MSRB3: variants seen among roughly 807,000 people sequenced by gnomAD.
MSRB3 encodes the protein methionine-R-sulfoxide reductase B3.
In MSRB3, 13 loss-of-function variants were observed where a neutral mutation model predicts 21.0. The observed-to-expected ratio is 0.62, with a 90% CI of 0.40 to 0.98. The LOEUF is 0.98. Among genes scored for constraint, MSRB3 ranks in the 50% least tolerant of loss-of-function variants. MSRB3 has a pLI of 0.00. For synonymous variants in MSRB3, 87 were observed against 88.6 expected, an observed-to-expected ratio of 0.98 and a Z score of 0.10; for missense variants, 199 against 230.3, an observed-to-expected ratio of 0.86 and a Z score of 0.88.
chr12:65,341,471 A>C (rs1343138683), intron 4 of MSRB3, among the ~76,000 whole-genome samples: 1 of 152,014 alleles, frequency 6.6e-6, no homozygotes, highest in Non-Finnish European at 1.5e-5. Flanking sequence ...AAGAACAAAA[A>C]ATTGAAAAAC....
chr12:65,441,241 C>G (rs1327946509), intron 5 of MSRB3, among the ~76,000 whole-genome samples: 2 of 151,932 alleles, frequency 1.3e-5, no homozygotes, highest in Non-Finnish European at 2.9e-5. Context: ...ACCTACAGGT[C>G]TTGATGCAGG....
chr12:65,427,322 T>C (rs1037969264), intron 5 of MSRB3, among the ~76,000 whole-genome samples: 5 of 152,160 alleles, frequency 3.3e-5, no homozygotes. Flanking sequence ...TTGATGGAGA[T>C]TGCAGTGATA....
chr12:65,377,555 C>T (rs1276639120), intron 5 of MSRB3, among the ~76,000 whole-genome samples: 1 of 152,240 alleles, frequency 6.6e-6, no homozygotes, highest in African/African-American at 2.4e-5. Flanking sequence ...CTGCCTCGGC[C>T]TCCCAAATTG....
At chr12:65,413,895 A>G (rs1021156990) in intron 5 of MSRB3, among the ~76,000 whole-genome samples, 7 of 152,230 alleles carry the variant, frequency 4.6e-5, no homozygotes, top group Middle Eastern at 3.2e-3. Flanking sequence ...GTAAGCAAAC[A>G]TATGCAGAAG....
intron 1 of MSRB3, chr12:65,305,092 A>T (rs547021628): frequency 3.4e-5 from 5 of 148,868 alleles, no homozygotes; most frequent in Admixed American, 2.7e-4. Context: ...TTTTTGAGAC[A>T]GGGTCTTTCT....
intron 5 of MSRB3, chr12:65,419,661 T>A: frequency 4.2e-6 from 3 of 713,276 alleles, no homozygotes. Context: ...TGACCTGGGG[T>A]CCTGTCTTCT....
intron 5 of MSRB3, among the ~76,000 whole-genome samples, chr12:65,435,639 A>G (rs1324407587): frequency 2.0e-5 from 3 of 151,854 alleles, no homozygotes; most frequent in Non-Finnish European, 4.4e-5. Flanking sequence ...TTCAGGTTAT[A>G]TTTTCTATAA....
At chr12:65,400,845 T>C (rs1880086994) in intron 5 of MSRB3, among the ~76,000 whole-genome samples, 1 of 152,224 alleles carries the variant, frequency 6.6e-6, no homozygotes, top group Non-Finnish European at 1.5e-5. Context: ...AACTTCTTTA[T>C]TTCTGCCTGA....
rs115106843 is a variant in MSRB3 at position 65,394,525 on chromosome 12, A to G, written c.292+25499A>G. On this transcript the variant is annotated intron_variant, in intron 5 of 6. Coordinates refer to ENST00000308259, the MANE Select transcript of MSRB3 (RefSeq NM_001031679.3). ...AATTCTGTGAAATATTTAAAGAAGA[A>G]TTAATGCCAATTATTCACAACTCTT... is the stretch of plus-strand genomic sequence containing the variant. Among the ~76,000 whole-genome samples the G allele has an allele frequency of 3.4e-3, 519 of 152,354 alleles. 1 individual carries two copies. Among genetic ancestry groups the G allele is most frequent in the African/African-American group, 0.011 (478 of 41,586 alleles).
chr12:65,352,259 A>G (rs1036491952), intron 4 of MSRB3, among the ~76,000 whole-genome samples: 1 of 152,154 alleles, frequency 6.6e-6, no homozygotes, highest in Non-Finnish European at 1.5e-5. Context: ...GACAAAATTC[A>G]ACAACCCTTC....
intron 2 of MSRB3, among the ~76,000 whole-genome samples, chr12:65,314,670 T>C (rs1220701147): frequency 3.9e-5 from 6 of 152,068 alleles, no homozygotes; most frequent in South Asian, 2.1e-4. Context: ...GATTTTCTGG[T>C]AAATATGGAA....
At chr12:65,371,847 T>G (rs748563299) in intron 5 of MSRB3, among the ~76,000 whole-genome samples, 80 of 152,272 alleles carry the variant, frequency 5.3e-4, no homozygotes, top group Non-Finnish European at 3.2e-4. Flanking sequence ...ATTGCATCTT[T>G]CTTTTTTTTT....
At chr12:65,441,043 T>C (rs1422280237) in intron 5 of MSRB3, among the ~76,000 whole-genome samples, 1 of 149,938 alleles carries the variant, frequency 6.7e-6, no homozygotes, top group Non-Finnish European at 1.5e-5. Context: ...TTGAATTTCA[T>C]TTTTTTTTGG....
In MSRB3 at chr12:65,328,513, G is replaced by A. The variant is rs377388421; in HGVS notation, c.186-13G>A. ...CTAACTTTAATTTTTTAAATGATCT[G>A]TTTATTTATCAGTGCCTTTGAAGGA... On this transcript the variant is annotated splice_polypyrimidine_tract_variant and intron_variant, in intron 3 of 6. Coordinates refer to ENST00000308259, the MANE Select transcript of MSRB3 (RefSeq NM_001031679.3). The A allele has an allele frequency of 2.5e-6, 4 of 1,573,532 alleles. No homozygotes were observed. The African/African-American group carries it at 5.4e-5, about 21-fold the overall frequency.
At chr12:65,437,489 T>TA (rs1004000650) in intron 5 of MSRB3, among the ~76,000 whole-genome samples, 7 of 151,826 alleles carry the variant, frequency 4.6e-5, no homozygotes, top group African/African-American at 1.7e-4. Flanking sequence ...TGGATTATAT[T>TA]AATAACCAGG....
chr12:65,285,587 C>G (rs1482196015), intron 1 of MSRB3: 1 of 152,358 alleles, frequency 6.6e-6, no homozygotes, highest in Non-Finnish European at 1.5e-5. Context: ...GTAATCCCAG[C>G]ACTTTGGGAG....
intron 5 of MSRB3, 107 bp downstream of exon 5, chr12:65,369,133 G>C: frequency 1.2e-6 from 1 of 827,784 alleles, no homozygotes; most frequent in Non-Finnish European, 2.0e-6. Context: ...AGACTAGGCG[G>C]TTTCTTTCCA....
intron 1 of MSRB3, among the ~76,000 whole-genome samples, chr12:65,282,475 G>A (rs577510373): frequency 3.3e-5 from 5 of 152,288 alleles, no homozygotes; most frequent in African/African-American, 9.6e-5. Context: ...CTTTATGAAA[G>A]ATTTTGGTTA....
chr12:65,442,380 C>T (rs566541359), intron 5 of MSRB3, among the ~76,000 whole-genome samples: 3 of 152,046 alleles, frequency 2.0e-5, no homozygotes, highest in African/African-American at 7.2e-5. Flanking sequence ...TCTTAGAGTC[C>T]CAAATAATGC....
Sources: gnomAD v4.1 joint callset for allele counts (sites outside exome capture counted in the v4.1 genomes callset) on GRCh38, gnomAD v4.1.1 for gene constraint, MANE v1.5 for transcripts, NCBI Gene and HGNC (gene_info 2026-07-23, HGNC 2026-07-21) for gene names.